Variants in LHFPL3 observed in about 807,000 individuals in gnomAD.
LHFPL3 encodes the protein LHFPL tetraspan subfamily member 3.
A neutral mutation model predicts 19.3 loss-of-function variants in LHFPL3; 5 were observed. The observed-to-expected ratio is 0.26, with a 90% CI of 0.14 to 0.54. The LOEUF is 0.54. Ranked by LOEUF, LHFPL3 falls within the 20% of genes least tolerant of loss-of-function variation. LHFPL3 has a pLI of 0.94. For synonymous variants in LHFPL3, 133 were observed against 126.2 expected (o/e 1.05, Z -0.36); for missense variants, 249 against 307.4 (o/e 0.81, Z 1.42).
chr7:104,384,787 C>CAAAAAA (rs771136918), intron 1 of LHFPL3, among the ~76,000 whole-genome samples: 10 of 74,522 alleles, frequency 1.3e-4, no homozygotes, highest in Non-Finnish European at 2.1e-4. Flanking sequence ...AACTCTATTT[C>CAAAAAA]AAAAAAAAAA....
At chr7:104,354,254 G>A (rs1416212903) in intron 1 of LHFPL3, among the ~76,000 whole-genome samples, 2 of 152,214 alleles carry the variant, frequency 1.3e-5, no homozygotes, top group South Asian at 4.1e-4. Context: ...GTACTCCAGA[G>A]TTGCGTCCAC....
chr7:104,728,827 GT>G (rs1793637091), intron 1 of LHFPL3, among the ~76,000 whole-genome samples: 1 of 152,048 alleles, frequency 6.6e-6, no homozygotes, highest in African/African-American at 2.4e-5. Context: ...ACCAAGAACA[GT>G]GCTTGGTACT....
chr7:104,736,816 G>C lies in LHFPL3; in HGVS notation c.587G>C (p.Gly196Ala), dbSNP rs1377193085. ...VRWAYILAII[G>A]ILDALILSFL... ...TGGGCATACATCCTGGCTATTATTG[G>C]AATTTTGGATGCCCTGATCCTCTCA... The change falls in exon 2 of 3, where the codon GGA (glycine) becomes GCA (alanine). Residue 196 changes from glycine to alanine, a missense_variant. Coordinates refer to ENST00000424859, the MANE Select transcript of LHFPL3 (RefSeq NM_199000.3). 6.2e-7 allele frequency: 1 copy of C among 1,613,248 alleles called. No homozygotes were observed. The highest frequency in any genetic ancestry group is 8.5e-7 in the Non-Finnish European group (1 of 1,179,652).
rs769442788 is a variant in LHFPL3 at position 104,424,630 on chromosome 7, C to A, written c.445+95406C>A. On this transcript the variant is annotated intron_variant, in intron 1 of 2. Coordinates refer to ENST00000424859, the MANE Select transcript of LHFPL3 (RefSeq NM_199000.3). ...ACAACTGGTTGGGGGAAAGGCTACT[C>A]CAGTGGGTAGAAGTCGGGGATGCTG... is the stretch of plus-strand genomic sequence containing the variant. Among the ~76,000 whole-genome samples, 72 of 152,186 alleles carry A rather than the reference C, an allele frequency of 4.7e-4. 1 individual carries two copies. The highest frequency in any genetic ancestry group is 8.8e-4 in the Non-Finnish European group (60 of 68,028).
intron 1 of LHFPL3, among the ~76,000 whole-genome samples, chr7:104,509,435 A>G (rs1467652734): frequency 6.6e-6 from 1 of 152,176 alleles, no homozygotes; most frequent in Non-Finnish European, 1.5e-5. Context: ...AATATTTTAA[A>G]ATTAACCAAT....
At chr7:104,830,288 T>G (rs1029505830) in intron 2 of LHFPL3, among the ~76,000 whole-genome samples, 1 of 151,940 alleles carries the variant, frequency 6.6e-6, no homozygotes, top group African/African-American at 2.4e-5. Flanking sequence ...GGTTGCCTAT[T>G]CACTCTGATG....
chr7:104,720,170 A>G (rs145131431), intron 1 of LHFPL3, among the ~76,000 whole-genome samples: 1 of 152,304 alleles, frequency 6.6e-6, no homozygotes, highest in African/African-American at 2.4e-5. Flanking sequence ...CCAAAACAGC[A>G]TGGTACTGGT....
chr7:104,688,570 C>G (rs1353666219), intron 1 of LHFPL3, among the ~76,000 whole-genome samples: 3 of 111,608 alleles, frequency 2.7e-5, no homozygotes, highest in Non-Finnish European at 6.0e-5. Flanking sequence ...CTCCCCACCC[C>G]CCTGTGGTGG....
chr7:104,492,977 T>C (rs781331898), intron 1 of LHFPL3, among the ~76,000 whole-genome samples: 1 of 152,206 alleles, frequency 6.6e-6, no homozygotes, highest in Non-Finnish European at 1.5e-5. Flanking sequence ...ATCTTAAAAC[T>C]TCACTGTATC....
chr7:104,707,805 G>A (rs1793220278), intron 1 of LHFPL3, among the ~76,000 whole-genome samples: 1 of 152,212 alleles, frequency 6.6e-6, no homozygotes, highest in Non-Finnish European at 1.5e-5. Context: ...GTGCAGGAAG[G>A]AGGATGCATT....
rs1013804989 is a variant in LHFPL3, at chr7:104,599,579, C to T, written c.446-137096C>T. On this transcript the variant is annotated intron_variant, in intron 1 of 2. Coordinates refer to ENST00000424859, the MANE Select transcript of LHFPL3 (RefSeq NM_199000.3). ...GTTCATTGAATTAGCATTTTCTGAG[C>T]ACCTTTTATATTGCCAGGGATACAC... Among the ~76,000 whole-genome samples the T allele has an allele frequency of 2.0e-5, 3 of 152,178 alleles. No individual in the cohort carries two copies. The East Asian group carries it at 5.8e-4, about 29-fold the overall frequency.
intron 1 of LHFPL3, among the ~76,000 whole-genome samples, chr7:104,492,650 T>C (rs1187455056): frequency 6.6e-6 from 1 of 152,276 alleles, no homozygotes. Context: ...ATGTAAATTT[T>C]ATGAAAATTT....
intron 2 of LHFPL3, among the ~76,000 whole-genome samples, chr7:104,738,336 G>A (rs1249100788): frequency 6.6e-6 from 1 of 152,114 alleles, no homozygotes; most frequent in African/African-American, 2.4e-5. Flanking sequence ...TAGCTTGTTG[G>A]ATGTAGACAG....
intron 1 of LHFPL3, among the ~76,000 whole-genome samples, chr7:104,391,669 C>T (rs866237976): frequency 1.1e-4 from 16 of 152,196 alleles, no homozygotes; most frequent in African/African-American, 3.6e-4. Context: ...ACAATGCGGG[C>T]CCTTTTTTGG....
At chr7:104,774,364 T>C (rs1247136229) in intron 2 of LHFPL3, among the ~76,000 whole-genome samples, 1 of 152,242 alleles carries the variant, frequency 6.6e-6, no homozygotes, top group Non-Finnish European at 1.5e-5. Flanking sequence ...ACTTAGATAC[T>C]GCTAGTATCC....
intron 2 of LHFPL3, among the ~76,000 whole-genome samples, chr7:104,758,988 T>C (rs565886627): frequency 3.3e-5 from 5 of 152,244 alleles, no homozygotes; most frequent in African/African-American, 1.2e-4. Context: ...TCAGGTAATT[T>C]CACAAATGTT....
At chr7:104,851,020 T>C (rs1791406430) in intron 2 of LHFPL3, among the ~76,000 whole-genome samples, 1 of 152,168 alleles carries the variant, frequency 6.6e-6, no homozygotes, top group African/African-American at 2.4e-5. Flanking sequence ...CTAGAAGGAA[T>C]AGCACCACCT....
chr7:104,682,762 T>A (rs543817473), intron 1 of LHFPL3, among the ~76,000 whole-genome samples: 1 of 152,340 alleles, frequency 6.6e-6, no homozygotes, highest in South Asian at 2.1e-4. Context: ...GATCGTGTCA[T>A]GTGTGTTCAC....
At chr7:104,483,125 C>T (rs1793168066) in intron 1 of LHFPL3, among the ~76,000 whole-genome samples, 1 of 152,186 alleles carries the variant, frequency 6.6e-6, no homozygotes, top group Non-Finnish European at 1.5e-5. Flanking sequence ...TGAAAATATG[C>T]TCAATGTGAT....
Sources: gnomAD v4.1 joint callset for allele counts (sites outside exome capture counted in the v4.1 genomes callset) on GRCh38, gnomAD v4.1.1 for gene constraint, MANE v1.5 for transcripts, NCBI Gene and HGNC (gene_info 2026-07-23, HGNC 2026-07-21) for gene names.